Variants in GRID1 observed in about 807,000 individuals in gnomAD.
GRID1 encodes the protein glutamate receptor ionotropic, delta-1.
GRID1 carries 28 observed loss-of-function variants against 98.0 expected under a neutral mutation model. The observed-to-expected ratio is 0.29, with a 90% CI of 0.21 to 0.39. GRID1 has a LOEUF of 0.39. GRID1 is among the 10% of genes least tolerant of loss of function. GRID1 has a pLI of 1.00. For synonymous variants in GRID1, 553 were observed against 538.5 expected (o/e 1.03, Z -0.37); for missense variants, 1,111 against 1,340.5 (o/e 0.83, Z 2.67).
intron 2 of GRID1, among the ~76,000 whole-genome samples, chr10:86,234,624 C>T (rs988145078): frequency 3.3e-5 from 5 of 152,226 alleles, no homozygotes; most frequent in Non-Finnish European, 7.3e-5. Flanking sequence ...CAAGCCCCCC[C>T]AGGTTGGTGT....
intron 6 of GRID1, among the ~76,000 whole-genome samples, chr10:85,862,919 A>G (rs1359937389): frequency 6.6e-6 from 1 of 152,084 alleles, no homozygotes; most frequent in Non-Finnish European, 1.5e-5. Context: ...AGATGAGGAG[A>G]TAATGGAGCA....
At chr10:85,904,726 AC>A (rs1293082268) in intron 5 of GRID1, among the ~76,000 whole-genome samples, 1 of 152,008 alleles carries the variant, frequency 6.6e-6, no homozygotes, top group Non-Finnish European at 1.5e-5. Flanking sequence ...AAAAAAAAAA[AC>A]ACTGGACAGA....
chr10:85,727,859 C>T lies in GRID1; in HGVS notation c.1529G>A (p.Ser510Asn). The change falls in exon 10 of 16, where the codon AGC (serine) becomes AAC (asparagine). Residue 510 changes from serine to asparagine, a missense_variant. Physicochemically the swap from Ser to Asn is conservative, Grantham distance 46. Coordinates refer to ENST00000327946, the MANE Select transcript of GRID1 (RefSeq NM_017551.3). ...GGATCTGCTATGGGGACCTACCTTG[C>T]TGATGAGCTCCCCGATCATCCCGTT... ...SWNGMIGELI[S>N]KRADLAISAI... 2 of 1,612,602 alleles carry T rather than the reference C, an allele frequency of 1.2e-6. No homozygotes were observed. Among genetic ancestry groups the T allele is most frequent in the Non-Finnish European group, 1.7e-6 (2 of 1,179,168 alleles).
At chr10:85,631,051 CTACTT>C (rs1226054665) in intron 13 of GRID1, among the ~76,000 whole-genome samples, 7 of 152,186 alleles carry the variant, frequency 4.6e-5, no homozygotes, top group Non-Finnish European at 1.0e-4. Flanking sequence ...GAAAAGAACT[CTACTT>C]TATGCTTTAC....
rs148355897 is a variant in GRID1 at position 86,158,909 on chromosome 10, T to C, written c.521-19885A>G. Among the ~76,000 whole-genome samples, 392 of 152,326 alleles carry C rather than the reference T, an allele frequency of 2.6e-3. 15 individuals carry two copies. In the East Asian group the frequency reaches 0.061, roughly 24 times the overall value. On this transcript the variant is annotated intron_variant, in intron 3 of 15. Transcript: ENST00000327946. ...AAAATATTTCATTAATTATCTTTTTTTTGAGACAGAGTCTCACTCTGTCGC... is the reference window on the plus strand; with the variant it reads ...AAAATATTTCATTAATTATCTTTTTCTTGAGACAGAGTCTCACTCTGTCGC...
At chr10:86,059,063 G>A (rs1843614018) in intron 4 of GRID1, among the ~76,000 whole-genome samples, 1 of 152,196 alleles carries the variant, frequency 6.6e-6, no homozygotes, top group Non-Finnish European at 1.5e-5. Context: ...GGAGGAGGCA[G>A]GGGAAAAGCA....
At chr10:86,196,224 TA>T in intron 3 of GRID1, among the ~76,000 whole-genome samples, 1 of 152,152 alleles carries the variant, frequency 6.6e-6, no homozygotes, top group East Asian at 1.9e-4. Context: ...CTCCCAGCTG[TA>T]ATTCAAAACC....
chr10:86,332,519 T>C lies in GRID1; in HGVS notation c.235+31422A>G, dbSNP rs184374013. On this transcript the variant is annotated intron_variant, in intron 2 of 15. Transcript: ENST00000327946. Reference sequence around the variant, plus strand: ...CCTGGCCTGACTCCTTTCCCTGCCTTCCCCAGGTGAAGATCCCAATGTCAC... The same window carrying C: ...CCTGGCCTGACTCCTTTCCCTGCCTCCCCCAGGTGAAGATCCCAATGTCAC... Among the ~76,000 whole-genome samples the C allele has an allele frequency of 2.6e-5, 4 of 152,076 alleles. No individual in the cohort carries two copies. In the East Asian group the frequency reaches 7.8e-4, roughly 30 times the overall value.
At chr10:85,758,869 G>A (rs1033185535) in intron 8 of GRID1, among the ~76,000 whole-genome samples, 2 of 152,160 alleles carry the variant, frequency 1.3e-5, no homozygotes, top group Non-Finnish European at 2.9e-5. Flanking sequence ...ATAAGCTGGT[G>A]GAACAGACTC....
At chr10:86,063,880 A>G (rs1407483023) in intron 4 of GRID1, among the ~76,000 whole-genome samples, 1 of 152,222 alleles carries the variant, frequency 6.6e-6, no homozygotes, top group Non-Finnish European at 1.5e-5. Context: ...AACTGTCTGT[A>G]GCTACTGTCA....
intron 3 of GRID1, among the ~76,000 whole-genome samples, chr10:86,204,859 G>C (rs1042229729): frequency 6.6e-6 from 1 of 152,178 alleles, no homozygotes; most frequent in Non-Finnish European, 1.5e-5. Flanking sequence ...CTCAGAGCAG[G>C]CTGGACTTTG....
At chr10:85,736,346 G>T (rs1156790359) in intron 8 of GRID1, among the ~76,000 whole-genome samples, 1 of 152,042 alleles carries the variant, frequency 6.6e-6, no homozygotes, top group African/African-American at 2.4e-5. Context: ...AGGAAGGAAT[G>T]AAGGAAATAA....
chr10:85,775,953 G>A (rs1842326772), intron 8 of GRID1, among the ~76,000 whole-genome samples: 3 of 151,682 alleles, frequency 2.0e-5, no homozygotes, highest in Non-Finnish European at 4.4e-5. Flanking sequence ...TAATCAAATA[G>A]TTTAACAATC....
Position 86,254,568 on chromosome 10 carries a change from T to A in GRID1, c.236-47920A>T, listed in dbSNP as rs79925869. The stretch of plus-strand genomic sequence containing the variant: ...CCTGGGTAGCTTTCAAAACCCTTGA[T>A]ACTCACGTTGCAGCCCCATAGTGCG... On this transcript the variant is annotated intron_variant, in intron 2 of 15. Coordinates refer to ENST00000327946, the MANE Select transcript of GRID1 (RefSeq NM_017551.3). 2.2e-3 allele frequency among the ~76,000 whole-genome samples: 328 copies of A among 149,900 alleles called. 11 individuals carry two copies. The East Asian group carries it at 0.06, about 27-fold the overall frequency.
intron 8 of GRID1, among the ~76,000 whole-genome samples, chr10:85,777,908 T>G (rs1311424403): frequency 6.6e-6 from 1 of 152,182 alleles, no homozygotes; most frequent in African/African-American, 2.4e-5. Flanking sequence ...TAATTAAAAC[T>G]AGGGGGATGA....
At chr10:86,272,746 A>G (rs1160321702) in intron 2 of GRID1, among the ~76,000 whole-genome samples, 2 of 152,180 alleles carry the variant, frequency 1.3e-5, no homozygotes, top group Non-Finnish European at 2.9e-5. Flanking sequence ...ATAGCTTGGA[A>G]CATTCTTTGG....
At chr10:86,012,411 T>C (rs1360846892) in intron 4 of GRID1, among the ~76,000 whole-genome samples, 2 of 152,172 alleles carry the variant, frequency 1.3e-5, no homozygotes, top group Non-Finnish European at 2.9e-5. Flanking sequence ...GTCGTCAGAA[T>C]GTTCTAACCC....
At chr10:86,017,120 C>G (rs10788476) in intron 4 of GRID1, among the ~76,000 whole-genome samples, 48,399 of 152,076 alleles carry the variant, frequency 0.32, 8,638 homozygotes, top group South Asian at 0.49. Flanking sequence ...TTCCTGGTTT[C>G]CAATTTGACC....
At chr10:85,627,052 T>C (rs935860084) in intron 13 of GRID1, among the ~76,000 whole-genome samples, 4 of 152,218 alleles carry the variant, frequency 2.6e-5, no homozygotes, top group Non-Finnish European at 4.4e-5. Context: ...TGCTCAATAA[T>C]TGGGAATCAG....
Sources: gnomAD v4.1 joint callset for allele counts (sites outside exome capture counted in the v4.1 genomes callset) on GRCh38, gnomAD v4.1.1 for gene constraint, MANE v1.5 for transcripts, NCBI Gene and HGNC (gene_info 2026-07-23, HGNC 2026-07-21) for gene names.